BANK1: variants seen among roughly 807,000 people sequenced by gnomAD.
The protein encoded by BANK1 is B-cell scaffold protein with ankyrin repeats.
BANK1 carries 95 observed loss-of-function variants against 94.5 expected under a neutral mutation model. The ratio of observed to expected loss-of-function variants is 1.00; its 90% CI spans 0.85 to 1.19. The LOEUF (loss-of-function observed/expected upper bound fraction) is 1.19, where lower values mean the gene tolerates loss of function less well. Among genes scored for constraint, BANK1 ranks in the 50% most tolerant of loss-of-function variants. BANK1 has a pLI of 0.00. For missense variants in BANK1, 987 were observed against 932.2 expected, an observed-to-expected ratio of 1.06 and a Z score of -0.77; for synonymous variants, 334 against 308.4, an observed-to-expected ratio of 1.08 and a Z score of -0.87.
intron 2 of BANK1, among the ~76,000 whole-genome samples, chr4:101,840,190 G>T (rs1458827286): frequency 1.3e-5 from 2 of 150,310 alleles, no homozygotes; most frequent in Admixed American, 6.6e-5. Context: ...GGATGGTCTC[G>T]ATCTCCTGAC....
Position 102,025,495 on chromosome 4 carries a change from A to C in BANK1, c.1580A>C (p.His527Pro), listed in dbSNP as rs754785098. ...AATGCCTTCCAACTGGAAAGACCTC[A>C]CTTCACCTTACCAGGTAAGTTTAAG... ...VANAFQLERPHFTLPGTMVEG... is the reference protein window; with the variant it reads ...VANAFQLERPPFTLPGTMVEG... Residue 527 changes from histidine (H) to proline (P), a missense_variant, in exon 9 of 17, where the codon CAC (histidine) becomes CCC (proline). Coordinates refer to ENST00000322953, the MANE Select transcript of BANK1 (RefSeq NM_017935.5). 6.2e-7 allele frequency: 1 copy of C among 1,612,726 alleles called. No individual in the cohort carries two copies. Among genetic ancestry groups the C allele is most frequent in the Non-Finnish European group, 8.5e-7 (1 of 1,179,916 alleles).
intron 7 of BANK1, among the ~76,000 whole-genome samples, chr4:101,927,193 C>T (rs967100530): frequency 2.0e-5 from 3 of 151,582 alleles, no homozygotes; most frequent in Admixed American, 1.3e-4. Flanking sequence ...GAAGCAGTCG[C>T]GTCTTATATG....
At chr4:102,052,752 G>A (rs1251578799) in intron 11 of BANK1, among the ~76,000 whole-genome samples, 2 of 152,108 alleles carry the variant, frequency 1.3e-5, no homozygotes, top group Non-Finnish European at 2.9e-5. Context: ...CCCACTTTCA[G>A]GTTCAGTACT....
At chr4:101,907,891 C>T (rs555432188) in intron 6 of BANK1, among the ~76,000 whole-genome samples, 20 of 152,202 alleles carry the variant, frequency 1.3e-4, no homozygotes, top group African/African-American at 4.3e-4. Context: ...AACCACTGCT[C>T]AATGAAATAA....
rs78591044 is a variant in BANK1, at chr4:102,047,098, A to T, written c.1969+3191A>T. Among the ~76,000 whole-genome samples the T allele has an allele frequency of 6.1e-3, 934 of 152,218 alleles. 12 individuals are homozygous for T. The highest frequency in any genetic ancestry group is 0.022 in the African/African-American group (898 of 41,548). ...CCATTGTGAAGATGGCTGGGAATGG[A>T]TTGCACCAAATTCTAACACCCACTG... On this transcript the variant is annotated intron_variant, in intron 11 of 16. Transcript: ENST00000322953.
chr4:101,895,903 A>G (rs1161534561), intron 6 of BANK1, among the ~76,000 whole-genome samples: 1 of 151,868 alleles, frequency 6.6e-6, no homozygotes, highest in East Asian at 1.9e-4. Context: ...GAGTGTGATC[A>G]TCTGTTTAAA....
intron 7 of BANK1, among the ~76,000 whole-genome samples, chr4:102,010,158 G>T (rs1438923417): frequency 6.6e-6 from 1 of 151,612 alleles, no homozygotes; most frequent in African/African-American, 2.4e-5. Flanking sequence ...CCAGCTACTC[G>T]GGAGGCTGAG....
chr4:101,812,873 T>G (rs1221549555), intron 1 of BANK1, among the ~76,000 whole-genome samples: 3 of 152,112 alleles, frequency 2.0e-5, no homozygotes, highest in African/African-American at 7.2e-5. Context: ...GAACATTAAT[T>G]TTTTTAACTT....
chr4:101,932,899 A>G (rs1196954020), intron 7 of BANK1, among the ~76,000 whole-genome samples: 1 of 151,532 alleles, frequency 6.6e-6, no homozygotes, highest in Non-Finnish European at 1.5e-5. Flanking sequence ...CTCTGTAGCT[A>G]TATTTTAGCT....
intron 2 of BANK1, among the ~76,000 whole-genome samples, chr4:101,839,144 T>G (rs1232082302): frequency 6.6e-6 from 1 of 152,244 alleles, no homozygotes; most frequent in African/African-American, 2.4e-5. Flanking sequence ...ATTGAGGATA[T>G]GTATTTTTAA....
chr4:101,984,688 G>A (rs542944006), intron 7 of BANK1, among the ~76,000 whole-genome samples: 1 of 152,184 alleles, frequency 6.6e-6, no homozygotes, highest in South Asian at 2.1e-4. Flanking sequence ...TGTGATAAAT[G>A]TGAAAATGAG....
chr4:101,790,762 C>T lies in BANK1; in HGVS notation c.-119C>T. The T allele has an allele frequency of 3.6e-6, 4 of 1,122,940 alleles. No homozygotes were observed. The highest frequency in any genetic ancestry group is 5.1e-6 in the Non-Finnish European group (4 of 778,766). 69.6% of individuals were successfully genotyped at this position (1,122,940 alleles called of 1,614,324 possible). A position where few individuals can be genotyped will look rare whatever the true frequency, so the allele number is the denominator to read the frequency against. ...GGCCGCAGCCTCCGCGGGTGGCAAGCGGGCTGGGGAGAGCCGAGGGCCAAA... is the reference window on the plus strand; with the variant it reads ...GGCCGCAGCCTCCGCGGGTGGCAAGTGGGCTGGGGAGAGCCGAGGGCCAAA... On this transcript the variant is annotated 5_prime_UTR_variant, in exon 1 of 17. Coordinates refer to ENST00000322953, the MANE Select transcript of BANK1 (RefSeq NM_017935.5).
chr4:102,015,191 T>C (rs1020031353), intron 7 of BANK1, among the ~76,000 whole-genome samples: 3 of 152,108 alleles, frequency 2.0e-5, no homozygotes, highest in African/African-American at 7.2e-5. Flanking sequence ...TTTTTTTTAA[T>C]TTTTATAAAG....
At chr4:101,819,949 AAGG>A (rs771753691) in intron 1 of BANK1, among the ~76,000 whole-genome samples, 22 of 152,120 alleles carry the variant, frequency 1.4e-4, no homozygotes, top group Non-Finnish European at 2.5e-4. Context: ...GGAGGAGAAG[AAGG>A]AGAAGGAGAT....
Position 101,800,105 on chromosome 4 carries a change from G to A in BANK1, c.70+9155G>A, listed in dbSNP as rs75027892. ...ATGAGAATACTTGGACGCAGGATGC[G>A]GAACATCACACACCAGGGTTTGTTG... On this transcript the variant is annotated intron_variant, in intron 1 of 16. Coordinates refer to ENST00000322953, the MANE Select transcript of BANK1 (RefSeq NM_017935.5). 5.9e-3 allele frequency among the ~76,000 whole-genome samples: 670 copies of A among 113,442 alleles called. 10 individuals carry two copies. The East Asian group carries it at 0.072, about 12-fold the overall frequency. The allele number at this position is 113,442 out of a possible 152,430, so 74.4% of individuals were successfully genotyped here. A position where few individuals can be genotyped will look rare whatever the true frequency, so the allele number is the denominator to read the frequency against.
intron 6 of BANK1, among the ~76,000 whole-genome samples, chr4:101,905,961 G>A (rs1343464919): frequency 2.0e-5 from 3 of 152,106 alleles, no homozygotes; most frequent in Admixed American, 2.0e-4. Context: ...TTTTTCCCAA[G>A]CTCTAATGCA....
intron 2 of BANK1, among the ~76,000 whole-genome samples, chr4:101,841,114 C>T (rs1242877100): frequency 6.6e-6 from 1 of 152,102 alleles, no homozygotes; most frequent in Non-Finnish European, 1.5e-5. Context: ...TCATGAGCCA[C>T]CGTGCCCAGC....
chr4:102,005,265 A>T (rs1461381465), intron 7 of BANK1, among the ~76,000 whole-genome samples: 1 of 152,022 alleles, frequency 6.6e-6, no homozygotes, highest in Non-Finnish European at 1.5e-5. Context: ...AATTCTCTTA[A>T]TTTTTTTCTG....
At chr4:101,836,451 A>G (rs565411589) in intron 2 of BANK1, among the ~76,000 whole-genome samples, 207 of 152,318 alleles carry the variant, frequency 1.4e-3, no homozygotes, top group African/African-American at 4.5e-3. Context: ...CTGCACTCCA[A>G]CCTGGGCGAC....
Sources: allele counts gnomAD v4.1 joint callset (sites outside exome capture counted in the v4.1 genomes callset), GRCh38; gene constraint gnomAD v4.1.1; transcripts MANE v1.5; gene names NCBI Gene and HGNC (gene_info 2026-07-23, HGNC 2026-07-21).